COL4A6: variants seen among roughly 807,000 people sequenced by gnomAD.
COL4A6 encodes collagen alpha-6(IV) chain.
COL4A6 carries 59 observed loss-of-function variants against 126.7 expected under a neutral mutation model. That is an observed-to-expected ratio of 0.47 (90% CI 0.38 to 0.58). The LOEUF is 0.58. Among genes scored for constraint, COL4A6 ranks in the 20% least tolerant of loss-of-function variants. The probability of loss-of-function intolerance (pLI) is 0.00; values close to 1 mark genes in which losing one functional copy is unlikely to be tolerated. For synonymous variants in COL4A6, 547 were observed against 496.6 expected, an observed-to-expected ratio of 1.10 and a Z score of -1.35; for missense variants, 1,285 against 1,337.3, an observed-to-expected ratio of 0.96 and a Z score of 0.61.
At chrX:108,277,083 G>A (rs1023694504) in intron 3 of COL4A6, among the ~76,000 whole-genome samples, 9 of 111,958 alleles carry the variant, frequency 8.0e-5, no homozygotes, top group East Asian at 2.8e-4. Context: ...TGCAGAAGAC[G>A]GGTGATTTCT....
chrX:108,332,932 T>A (rs887273033), intron 2 of COL4A6, among the ~76,000 whole-genome samples: 1 of 111,315 alleles, frequency 9.0e-6, no homozygotes. Flanking sequence ...CAGAAGTATT[T>A]TTCCTAGTTT....
chrX:108,422,793 C>T (rs928852421), intron 2 of COL4A6, among the ~76,000 whole-genome samples: 1 of 111,878 alleles, frequency 8.9e-6, no homozygotes, highest in Non-Finnish European at 1.9e-5. Context: ...AAAGTTTAGG[C>T]TGAGGGCTCA....
intron 2 of COL4A6, among the ~76,000 whole-genome samples, chrX:108,369,785 A>T (rs1446983407): frequency 4.5e-5 from 5 of 112,340 alleles, no homozygotes; most frequent in Non-Finnish European, 7.5e-5. Context: ...TAAAGGGCCA[A>T]ACAGTAAATG....
chrX:108,405,427 C>T (rs1247434994), intron 2 of COL4A6, among the ~76,000 whole-genome samples: 1 of 110,118 alleles, frequency 9.1e-6, no homozygotes, highest in African/African-American at 3.3e-5. Flanking sequence ...TCAAGTGATC[C>T]GCCCGCCTCA....
intron 3 of COL4A6, among the ~76,000 whole-genome samples, chrX:108,278,523 ACCT>A (rs2037689605): frequency 1.8e-5 from 2 of 111,247 alleles, no homozygotes. Flanking sequence ...TGATTGGTGT[ACCT>A]GAAAGTGACG....
rs1463776771 is a variant in COL4A6 at position 108,424,099 on chromosome X, A to G, written c.63+13843T>C. ...CTAGAACTGTAGTGTATGATTCTTC[A>G]TAGGGTTCACTGCAAAAGAAAACCC... On this transcript the variant is annotated intron_variant, in intron 2 of 44. Transcript: ENST00000334504. Among the ~76,000 whole-genome samples the G allele has an allele frequency of 2.7e-5, 3 of 112,015 alleles. No individual in the cohort carries two copies. In the East Asian group the frequency reaches 8.5e-4, roughly 32 times the overall value.
intron 6 of COL4A6, among the ~76,000 whole-genome samples, chrX:108,212,466 A>T (rs776515061): frequency 4.4e-4 from 49 of 111,421 alleles, no homozygotes; most frequent in Admixed American, 7.6e-4. Flanking sequence ...ATGCTGGCTA[A>T]TATCTGTTAG....
chrX:108,170,591 G>T lies in COL4A6; in HGVS notation c.3493+18C>A. The stretch of plus-strand genomic sequence containing the variant: ...AGGGAAAGACTTTTCCCCACTGCCT[G>T]CTCCCAAATACACATACCTTTGGGT... On this transcript the variant is annotated intron_variant, in intron 35 of 44. Coordinates refer to ENST00000334504, the MANE Select transcript of COL4A6 (RefSeq NM_033641.4). The T allele has an allele frequency of 8.6e-7, 1 of 1,163,978 alleles. No homozygotes were observed. Among genetic ancestry groups the T allele is most frequent in the Non-Finnish European group, 1.2e-6 (1 of 856,353 alleles).
At chrX:108,434,480 A>T (rs2064227721) in intron 2 of COL4A6, among the ~76,000 whole-genome samples, 1 of 110,455 alleles carries the variant, frequency 9.1e-6, no homozygotes, top group South Asian at 3.9e-4. Context: ...TAGTTTTAGA[A>T]GTATACAATA....
chrX:108,344,078 C>T (rs1299905112), intron 2 of COL4A6, among the ~76,000 whole-genome samples: 2 of 110,283 alleles, frequency 1.8e-5, no homozygotes, highest in African/African-American at 6.6e-5. Flanking sequence ...TTTGTCAATC[C>T]CAAGAATAAA....
At chrX:108,217,097 T>C (rs7065024) in intron 5 of COL4A6, among the ~76,000 whole-genome samples, 13,921 of 111,831 alleles carry the variant, frequency 0.12, 965 homozygotes, top group Non-Finnish European at 0.19. Context: ...GTTTGCTCAC[T>C]CTCTTGATTA....
intron 3 of COL4A6, among the ~76,000 whole-genome samples, chrX:108,294,078 A>G (rs1395330799): frequency 8.9e-6 from 1 of 112,069 alleles, no homozygotes; most frequent in Non-Finnish European, 1.9e-5. Flanking sequence ...TGCATCAAAC[A>G]TTTAGCATGT....
intron 3 of COL4A6, among the ~76,000 whole-genome samples, chrX:108,224,069 C>A (rs2036094711): frequency 8.9e-6 from 1 of 112,094 alleles, no homozygotes; most frequent in Admixed American, 9.4e-5. Context: ...CAGCAGCACC[C>A]AGCATAGGCA....
At chrX:108,281,649 A>G (rs1257097917) in intron 3 of COL4A6, among the ~76,000 whole-genome samples, 3 of 111,435 alleles carry the variant, frequency 2.7e-5, no homozygotes, top group Non-Finnish European at 5.7e-5. Context: ...AAACTACTTT[A>G]AAGTTCATAT....
intron 2 of COL4A6, among the ~76,000 whole-genome samples, chrX:108,390,927 T>G (rs2040822127): frequency 9.0e-6 from 1 of 111,663 alleles, no homozygotes; most frequent in Non-Finnish European, 1.9e-5. Flanking sequence ...TTGATGTTGA[T>G]ACTATTCCTT....
chrX:108,308,714 G>T (rs1729975937), intron 3 of COL4A6, among the ~76,000 whole-genome samples: 1 of 112,149 alleles, frequency 8.9e-6, no homozygotes, highest in South Asian at 3.7e-4. Context: ...AATGCTGATG[G>T]GAATATAAAT....
chrX:108,160,969 G>A (rs1427714119), intron 42 of COL4A6, among the ~76,000 whole-genome samples: 2 of 111,874 alleles, frequency 1.8e-5, no homozygotes, highest in African/African-American at 6.5e-5. Context: ...CTCTGAGTGG[G>A]GATTAGGGTG....
intron 3 of COL4A6, among the ~76,000 whole-genome samples, chrX:108,281,678 A>G (rs1299978593): frequency 3.6e-5 from 4 of 110,942 alleles, no homozygotes; most frequent in Admixed American, 9.6e-5. Context: ...AAAAGAGCCC[A>G]CATCGCCAAG....
Position 108,204,352 on chromosome X carries a change from T to G in COL4A6, c.748A>C (p.Met250Leu). 8.3e-7 allele frequency: 1 copy of G among 1,203,294 alleles called. No individual in the cohort carries two copies. The highest frequency in any genetic ancestry group is 1.1e-6 in the Non-Finnish European group (1 of 890,408). Residue 250 changes from methionine to leucine, a missense_variant, in exon 12 of 45, where the codon ATG becomes CTG. By Grantham distance (15) the Met-to-Leu change is conservative. Transcript: ENST00000334504. The part of the protein sequence containing the change: ...PPPSTGELEF[M>L]GFPKGKKGSK... ...CCTTTCTTCCCTTTGGGGAATCCCATGAATTCCAGCTCTCCAGTAGATGGT... is the reference window on the plus strand; with the variant it reads ...CCTTTCTTCCCTTTGGGGAATCCCAGGAATTCCAGCTCTCCAGTAGATGGT...
Sources: gnomAD v4.1 joint callset for allele counts (sites outside exome capture counted in the v4.1 genomes callset) on GRCh38, gnomAD v4.1.1 for gene constraint, MANE v1.5 for transcripts, NCBI Gene and HGNC (gene_info 2026-07-23, HGNC 2026-07-21) for gene names.